The following SLC4A4 variants were observed in gnomAD, a reference collection of about 807,000 sequenced individuals.
SLC4A4 encodes the protein solute carrier family 4 member 4.
SLC4A4 carries 27 observed loss-of-function variants against 111.5 expected under a neutral mutation model. The ratio of observed to expected loss-of-function variants is 0.24; its 90% CI spans 0.18 to 0.33. The LOEUF is 0.33. Among genes scored for constraint, SLC4A4 ranks in the 10% least tolerant of loss-of-function variants. The pLI is 1.00. For missense variants in SLC4A4, 909 were observed against 1,315.5 expected, an observed-to-expected ratio of 0.69 and a Z score of 4.78; for synonymous variants, 443 against 463.4, an observed-to-expected ratio of 0.96 and a Z score of 0.57.
Position 71,440,697 on chromosome 4 carries a change from A to G in SLC4A4, c.889A>G (p.Thr297Ala). 1 of 1,613,798 alleles carries G rather than the reference A, an allele frequency of 6.2e-7. No homozygotes were observed. Among genetic ancestry groups the G allele is most frequent in the Non-Finnish European group, 8.5e-7 (1 of 1,179,922 alleles). Reference protein sequence around the residue: ...VLVGEVDFLDTPFIAFVRLQQ... With the variant: ...VLVGEVDFLDAPFIAFVRLQQ... ...TGTTGGGGAGGTTGACTTTTTGGATACTCCTTTCATTGCCTTTGTTAGGCT... is the reference window on the plus strand; with the variant it reads ...TGTTGGGGAGGTTGACTTTTTGGATGCTCCTTTCATTGCCTTTGTTAGGCT... Residue 297 changes from threonine to alanine, a missense_variant, in exon 8 of 26, where the codon ACT becomes GCT. Physicochemically the swap from Thr to Ala is moderately conservative, Grantham distance 58 (BLOSUM62 0). Transcript: ENST00000264485.
intron 6 of SLC4A4, among the ~76,000 whole-genome samples, chr4:71,369,887 A>G (rs921646458): frequency 6.6e-5 from 10 of 152,200 alleles, no homozygotes; most frequent in African/African-American, 2.4e-4. Context: ...ACATAAATAG[A>G]TAACAATTGT....
At position 71,563,870 on chromosome 4, in the gene SLC4A4, C is replaced by T. The variant is rs139191615; in HGVS notation, c.3177C>T (p.Ser1059=). The T allele has an allele frequency of 2.5e-4, 405 of 1,608,414 alleles. No homozygotes were observed. Among genetic ancestry groups the T allele is most frequent in the Admixed American group, 1.3e-3 (75 of 59,802 alleles). The change falls in exon 24 of 26, where the codon AGC becomes AGT. Residue 1059 remains serine (S), a synonymous_variant. Transcript: ENST00000264485. ...TCATGGAACAGCAACCTTTCCTAAG[C>T]GATAGCAAACCTTCTGACAGTGAGT... The part of the protein sequence containing the change: ...MDIMEQQPFL[S]DSKPSDRERS...
At chr4:71,457,979 A>G (rs1429777149) in intron 12 of SLC4A4, among the ~76,000 whole-genome samples, 2 of 152,098 alleles carry the variant, frequency 1.3e-5, no homozygotes, top group African/African-American at 2.4e-5. Flanking sequence ...TAAATTTTGT[A>G]TTAGCATTTA....
rs181070223 is a variant in SLC4A4, at chr4:71,134,259, C to T, written c.-2+41467C>T. 7.5e-3 allele frequency among the ~76,000 whole-genome samples: 1,138 copies of T among 152,346 alleles called. 10 individuals carry two copies. Among genetic ancestry groups the T allele is most frequent in the South Asian group, 0.014 (69 of 4,826 alleles). ...CTTAGTCAGGCTGCTTGAAGCTATA[C>T]TCCCAGATTCCTGGGCCAGGGGTAT... On this transcript the variant is annotated intron_variant, in intron 2 of 26. Transcript: ENST00000649996.
chr4:71,236,155 A>G (rs1254739114), intron 1 of SLC4A4: 3 of 1,050,776 alleles, frequency 2.9e-6, no homozygotes, highest in African/African-American at 3.4e-5. Flanking sequence ...GTGGGTGTTT[A>G]AAGAGCTAAG....
intron 1 of SLC4A4, among the ~76,000 whole-genome samples, chr4:71,229,940 A>C (rs973941682): frequency 1.3e-5 from 2 of 151,160 alleles, no homozygotes; most frequent in African/African-American, 2.4e-5. Context: ...CTTTGCAGCC[A>C]CTGAGATCGC....
chr4:71,165,013 A>T (rs561626441), intron 2 of SLC4A4, among the ~76,000 whole-genome samples: 1 of 152,380 alleles, frequency 6.6e-6, no homozygotes, highest in Non-Finnish European at 1.5e-5. Context: ...ATAGCATCTC[A>T]AGCCAGTCAG....
intron 1 of SLC4A4, among the ~76,000 whole-genome samples, chr4:71,226,524 A>T (rs1719059894): frequency 6.6e-6 from 1 of 152,162 alleles, no homozygotes. Flanking sequence ...GAGAGCTAAG[A>T]TCTAATGTTA....
rs983261245 is a variant in SLC4A4 at position 71,561,389 on chromosome 4, A to AT, written c.3099+1140dup. On this transcript the variant is annotated intron_variant, in intron 23 of 25. Coordinates refer to ENST00000264485, the MANE Select transcript of SLC4A4 (RefSeq NM_001098484.3). ...GGTGATGCTTTGACATATATAAGTCATTTTTCTAATTGTACACAGCCATAG... is the reference window on the plus strand; with the variant it reads ...GGTGATGCTTTGACATATATAAGTCATTTTTTCTAATTGTACACAGCCATAG... Among the ~76,000 whole-genome samples the AT allele has an allele frequency of 2.1e-4, 32 of 151,932 alleles. 1 individual carries two copies. The highest frequency in any genetic ancestry group is 7.7e-4 in the African/African-American group (32 of 41,536).
chr4:71,110,406 A>C (rs1216472456), intron 2 of SLC4A4, among the ~76,000 whole-genome samples: 1 of 151,974 alleles, frequency 6.6e-6, no homozygotes, highest in South Asian at 2.1e-4. Flanking sequence ...GGGTTTCACC[A>C]TGTTGCTCAG....
At chr4:71,356,036 A>C (rs998362900) in intron 5 of SLC4A4, among the ~76,000 whole-genome samples, 1 of 152,240 alleles carries the variant, frequency 6.6e-6, no homozygotes, top group African/African-American at 2.4e-5. Context: ...CTACCAATGC[A>C]TATCTTGCAC....
intron 14 of SLC4A4, among the ~76,000 whole-genome samples, chr4:71,480,951 G>A (rs1560546154): frequency 6.6e-6 from 1 of 151,640 alleles, no homozygotes; most frequent in South Asian, 2.1e-4. Flanking sequence ...TTCATCCCAG[G>A]GACAAGGTCT....
chr4:71,401,332 CAGA>C (rs1461263019), intron 7 of SLC4A4, among the ~76,000 whole-genome samples: 3 of 152,138 alleles, frequency 2.0e-5, no homozygotes, highest in East Asian at 1.9e-4. Flanking sequence ...TAGTTAACAG[CAGA>C]AGAAGAGCAT....
intron 16 of SLC4A4, among the ~76,000 whole-genome samples, chr4:71,499,814 C>T (rs1336513562): frequency 1.3e-5 from 2 of 152,056 alleles, no homozygotes; most frequent in Non-Finnish European, 2.9e-5. Flanking sequence ...GCCACATTTT[C>T]TTTATTCATC....
intron 3 of SLC4A4, among the ~76,000 whole-genome samples, chr4:71,297,550 A>T (rs956921721): frequency 1.5e-4 from 19 of 123,542 alleles, no homozygotes; most frequent in African/African-American, 1.6e-4. Flanking sequence ...ACACACACAC[A>T]CTCTTTGGCA....
At chr4:71,268,375 C>T (rs1482872370) in intron 3 of SLC4A4, among the ~76,000 whole-genome samples, 2 of 152,122 alleles carry the variant, frequency 1.3e-5, no homozygotes, top group Non-Finnish European at 2.9e-5. Context: ...ATGACGAGGT[C>T]AAGAGGACAC....
At position 71,179,051 on chromosome 4, in the gene SLC4A4, T is replaced by C. The variant is rs1745194725; in HGVS notation, c.-1-57525T>C. Among the ~76,000 whole-genome samples, 6 of 152,294 alleles carry C rather than the reference T, an allele frequency of 3.9e-5. No homozygotes were observed. The South Asian group carries it at 1.2e-3, about 32-fold the overall frequency. ...CCTGGGATGCAAGGCTGGTTCAACA[T>C]ATGCAAATCAATAAACATAATCCAG... On this transcript the variant is annotated intron_variant, in intron 2 of 26. Transcript: ENST00000649996.
At chr4:71,302,438 C>T (rs1034961038) in intron 3 of SLC4A4, among the ~76,000 whole-genome samples, 2 of 152,148 alleles carry the variant, frequency 1.3e-5, no homozygotes, top group African/African-American at 4.8e-5. Flanking sequence ...TGATTCTTTG[C>T]TTACTTCCAC....
At chr4:71,359,656 A>G (rs1432174327) in intron 6 of SLC4A4, among the ~76,000 whole-genome samples, 1 of 152,186 alleles carries the variant, frequency 6.6e-6, no homozygotes, top group East Asian at 1.9e-4. Context: ...CTTAGAATAA[A>G]TTTCTAACTA....
Sources: allele counts gnomAD v4.1 joint callset (sites outside exome capture counted in the v4.1 genomes callset), GRCh38; gene constraint gnomAD v4.1.1; transcripts MANE v1.5; gene names NCBI Gene and HGNC (gene_info 2026-07-23, HGNC 2026-07-21).